SIK2: variants seen among roughly 807,000 people sequenced by gnomAD.
SIK2 encodes the protein salt inducible kinase 2, also known as serine/threonine-protein kinase SIK2.
In SIK2, 29 loss-of-function variants were observed where a neutral mutation model predicts 103.2. The observed-to-expected ratio is 0.28, with a 90% confidence interval of 0.21 to 0.38. SIK2 has a LOEUF of 0.38. Among genes scored for constraint, SIK2 ranks in the 10% least tolerant of loss-of-function variants. The pLI, the probability that SIK2 is intolerant of heterozygous loss-of-function variation, is 1.00. For missense variants in SIK2, 879 were observed against 1,171.0 expected (o/e 0.75, Z 3.64); for synonymous variants, 412 against 446.1 (o/e 0.92, Z 0.96).
chr11:111,685,723 A>G (rs1415490381), intron 3 of SIK2, among the ~76,000 whole-genome samples: 1 of 152,126 alleles, frequency 6.6e-6, no homozygotes, highest in Non-Finnish European at 1.5e-5. Context: ...GGTGACATGC[A>G]TCTGTAGTCC....
intron 8 of SIK2, among the ~76,000 whole-genome samples, chr11:111,711,991 G>C (rs566744283): frequency 6.6e-6 from 1 of 152,354 alleles, no homozygotes; most frequent in East Asian, 1.9e-4. Flanking sequence ...AGGCAGAAAT[G>C]AAATTCTGTA....
intron 3 of SIK2, among the ~76,000 whole-genome samples, chr11:111,646,835 T>C (rs1243068030): frequency 1.3e-5 from 2 of 152,248 alleles, no homozygotes; most frequent in Non-Finnish European, 2.9e-5. Flanking sequence ...TTGTGTGCAT[T>C]TGCCACAATT....
At position 111,727,953 on chromosome 11, in the gene SIK2, TATC is replaced by T. The variant is rs759392421; in HGVS notation, c.*3826_*3828del. 6.6e-6 allele frequency: 1 copy of T among 152,264 alleles called. No homozygotes were observed. Among genetic ancestry groups the T allele is most frequent in the South Asian group, 2.1e-4 (1 of 4,834 alleles). 9.4% of individuals were successfully genotyped at this position (152,264 alleles called of 1,614,324 possible). On this transcript the variant is annotated 3_prime_UTR_variant, in exon 15 of 15. Coordinates refer to ENST00000304987, the MANE Select transcript of SIK2 (RefSeq NM_015191.3). The stretch of plus-strand genomic sequence containing the variant: ...TGTTTGTATTACATTTTAAAACCTG[TATC>T]AACAGTCACATTTAAGCTCCCTATT...
rs1447717251 is a variant in SIK2 at position 111,729,059 on chromosome 11, C to A, written c.*4930C>A. On this transcript the variant is annotated 3_prime_UTR_variant, in exon 15 of 15. Coordinates refer to ENST00000304987, the MANE Select transcript of SIK2 (RefSeq NM_015191.3). Reference sequence around the variant, plus strand: ...GTCTGAAGCACCTGTAATGTCAGAGCCCTTGTCTGGCCCTTGGTGGCAGGT... The same window carrying A: ...GTCTGAAGCACCTGTAATGTCAGAGACCTTGTCTGGCCCTTGGTGGCAGGT... The A allele has an allele frequency of 6.6e-6, 1 of 152,370 alleles. No homozygotes were observed. Among genetic ancestry groups the A allele is most frequent in the South Asian group, 2.1e-4 (1 of 4,830 alleles). 9.4% of individuals were successfully genotyped at this position (152,370 alleles called of 1,614,324 possible). A position where few individuals can be genotyped will look rare whatever the true frequency, so the allele number is the denominator to read the frequency against.
chr11:111,720,363 G>C (rs776051348), intron 10 of SIK2, 115 bp from the exon 11 acceptor site: 32 of 1,117,560 alleles, frequency 2.9e-5, no homozygotes, highest in Admixed American at 1.4e-4. Context: ...AAGATGTTTT[G>C]ATTGGAAATT....
chr11:111,665,400 A>G (rs1052497985), intron 3 of SIK2, among the ~76,000 whole-genome samples: 1 of 151,930 alleles, frequency 6.6e-6, no homozygotes, highest in African/African-American at 2.4e-5. Context: ...GAAAGTAGAG[A>G]CAGCGAAACC....
chr11:111,688,068 T>A lies in SIK2; in HGVS notation c.384T>A (p.Ser128=). ...EARRKFWQIL[S]AVDYCHGRKI... is the part of the protein sequence containing the mutation. ...GGCGAAAATTCTGGCAAATCCTGTC[T>A]GCTGTTGATTATTGTCATGGTCGGA... Residue 128 remains serine (S), a synonymous_variant, in exon 4 of 15, where the codon TCT becomes TCA. Transcript: ENST00000304987. This position sits in a 1 kb window ranked among gnomAD's most constrained non-coding sequence, Gnocchi z 4.2. The A allele has an allele frequency of 6.2e-7, 1 of 1,614,216 alleles. No homozygotes were observed. The highest frequency in any genetic ancestry group is 8.5e-7 in the Non-Finnish European group (1 of 1,180,032).
intron 3 of SIK2, among the ~76,000 whole-genome samples, chr11:111,686,368 G>A (rs1942846777): frequency 6.6e-6 from 1 of 152,086 alleles, no homozygotes; most frequent in Non-Finnish European, 1.5e-5. Context: ...TTGAACCTGG[G>A]GAGCAGAGGT....
intron 3 of SIK2, among the ~76,000 whole-genome samples, chr11:111,629,829 G>T (rs1257840198): frequency 1.3e-5 from 2 of 152,094 alleles, no homozygotes; most frequent in African/African-American, 4.8e-5. Flanking sequence ...TAAATTTTAG[G>T]CTGTGAAGCA....
Position 111,727,146 on chromosome 11 carries a change from C to T in SIK2, c.*3017C>T, listed in dbSNP as rs1943998111. Reference sequence around the variant, plus strand: ...CACTGACCGTCCCCAGCTGCCCCCTCGCCACCTCTGCCTGCACTGCCTTCT... The same window carrying T: ...CACTGACCGTCCCCAGCTGCCCCCTTGCCACCTCTGCCTGCACTGCCTTCT... On this transcript the variant is annotated 3_prime_UTR_variant, in exon 15 of 15. Transcript: ENST00000304987. The T allele has an allele frequency of 3.2e-5, 35 of 1,105,574 alleles. No homozygotes were observed. Among genetic ancestry groups the T allele is most frequent in the South Asian group, 2.9e-4 (22 of 77,082 alleles). 68.5% of individuals were successfully genotyped at this position (1,105,574 alleles called of 1,614,324 possible). A position where few individuals can be genotyped will look rare whatever the true frequency, so the allele number is the denominator to read the frequency against.
intron 6 of SIK2, 43 bp from the exon 7 acceptor site, chr11:111,703,154 GAAGTGC>G: frequency 1.3e-6 from 2 of 1,559,548 alleles, no homozygotes; most frequent in Admixed American, 3.4e-5. Context: ...AAATAACCCT[GAAGTGC>G]AAGGTGATTC....
At chr11:111,648,192 T>C (rs1942282354) in intron 3 of SIK2, among the ~76,000 whole-genome samples, 2 of 152,152 alleles carry the variant, frequency 1.3e-5, no homozygotes, top group South Asian at 2.1e-4. Flanking sequence ...ATGATTTCAT[T>C]TGGGTTTTTA....
intron 3 of SIK2, among the ~76,000 whole-genome samples, chr11:111,657,535 A>G (rs779815329): frequency 3.9e-5 from 6 of 152,028 alleles, no homozygotes; most frequent in Admixed American, 6.5e-5. Flanking sequence ...GACTACAGAC[A>G]CATGCCACCA....
chr11:111,614,611 T>C (rs1258471600), intron 1 of SIK2, among the ~76,000 whole-genome samples: 4 of 152,198 alleles, frequency 2.6e-5, no homozygotes, highest in Admixed American at 6.5e-5. Flanking sequence ...ATCTTCACAT[T>C]GAGTGGGCTG....
At chr11:111,645,929 A>ATT (rs1942250128) in intron 3 of SIK2, among the ~76,000 whole-genome samples, 1 of 152,078 alleles carries the variant, frequency 6.6e-6, no homozygotes, top group African/African-American at 2.4e-5. Context: ...AGTTCTGGTA[A>ATT]TTTTTTATTT....
intron 3 of SIK2, among the ~76,000 whole-genome samples, chr11:111,642,499 T>C (rs1474899881): frequency 6.6e-6 from 1 of 152,120 alleles, no homozygotes; most frequent in East Asian, 1.9e-4. Flanking sequence ...GAGCAAGGTA[T>C]AGGGGGAGGG....
chr11:111,648,007 T>C (rs1013976064), intron 3 of SIK2, among the ~76,000 whole-genome samples: 3 of 152,128 alleles, frequency 2.0e-5, no homozygotes, highest in Non-Finnish European at 2.9e-5. Flanking sequence ...GAAATTTCTC[T>C]TTCTAAATCA....
At chr11:111,638,946 A>G (rs964140023) in intron 3 of SIK2, among the ~76,000 whole-genome samples, 1 of 152,058 alleles carries the variant, frequency 6.6e-6, no homozygotes, top group South Asian at 2.1e-4. Context: ...GGATTTTGTT[A>G]TCTTCCTGAA....
intron 3 of SIK2, among the ~76,000 whole-genome samples, chr11:111,627,225 T>C (rs1941972894): frequency 6.6e-6 from 1 of 151,840 alleles, no homozygotes; most frequent in Non-Finnish European, 1.5e-5. Flanking sequence ...AATGAGAAGA[T>C]TCCATCCAAA....
Sources: gnomAD v4.1 joint callset for allele counts (sites outside exome capture counted in the v4.1 genomes callset) on GRCh38, gnomAD v4.1.1 for gene constraint, Gnocchi (gnomAD v3.1) non-coding constraint, MANE v1.5 for transcripts, NCBI Gene and HGNC (gene_info 2026-07-23, HGNC 2026-07-21) for gene names.